Variants in CDKAL1 observed in about 807,000 individuals in gnomAD.
CDKAL1 encodes CDKAL1 threonylcarbamoyladenosine tRNA methylthiotransferase.
In CDKAL1, 32 loss-of-function variants were observed where a neutral mutation model predicts 68.2. The observed-to-expected ratio is 0.47, with a 90% CI of 0.35 to 0.63. The LOEUF (loss-of-function observed/expected upper bound fraction) is 0.63. Among genes scored for constraint, CDKAL1 ranks in the 30% least tolerant of loss-of-function variants. The pLI, the probability that CDKAL1 is intolerant of heterozygous loss-of-function variation, is 0.00. For missense variants in CDKAL1, 606 were observed against 696.7 expected (o/e 0.87, Z 1.47); for synonymous variants, 234 against 244.3 (o/e 0.96, Z 0.39).
intron 4 of CDKAL1, among the ~76,000 whole-genome samples, chr6:20,597,503 C>G (rs1032143295): frequency 6.6e-6 from 1 of 152,068 alleles, no homozygotes; most frequent in Non-Finnish European, 1.5e-5. Context: ...CAACCTCTGC[C>G]TCACAGGTTC....
chr6:21,002,508 G>A (rs960999442), intron 11 of CDKAL1, among the ~76,000 whole-genome samples: 2 of 152,090 alleles, frequency 1.3e-5, no homozygotes, highest in Admixed American at 6.6e-5. Flanking sequence ...GCTGTATTGT[G>A]TATATGCAGC....
intron 7 of CDKAL1, among the ~76,000 whole-genome samples, chr6:20,778,089 T>C (rs1581561050): frequency 6.6e-6 from 1 of 152,116 alleles, no homozygotes; most frequent in East Asian, 1.9e-4. Context: ...AGTTGAATAT[T>C]CATATTAAAA....
intron 4 of CDKAL1, among the ~76,000 whole-genome samples, chr6:20,589,285 A>T (rs1765496959): frequency 6.6e-6 from 1 of 152,220 alleles, no homozygotes; most frequent in African/African-American, 2.4e-5. Flanking sequence ...TCTTGTTTTT[A>T]CTTCAGTGTT....
chr6:20,808,011 T>G (rs2150415909), intron 8 of CDKAL1, among the ~76,000 whole-genome samples: 1 of 152,340 alleles, frequency 6.6e-6, no homozygotes, highest in East Asian at 1.9e-4. Context: ...TATAGATACC[T>G]TCCAAGTGAT....
At chr6:20,911,183 C>T (rs902797533) in intron 9 of CDKAL1, among the ~76,000 whole-genome samples, 1 of 152,308 alleles carries the variant, frequency 6.6e-6, no homozygotes, top group Non-Finnish European at 1.5e-5. Context: ...GTAAGTTAGG[C>T]ACTATTCATT....
rs150181333 is a variant in CDKAL1, at chr6:20,737,291, A to G, written c.372-2228A>G. On this transcript the variant is annotated intron_variant, in intron 5 of 15. Transcript: ENST00000274695. ...TTAGCTATCCATCTCACTGTCACCA[A>G]GGACACCTTACTGAATGCTGTGTTT... Among the ~76,000 whole-genome samples the G allele has an allele frequency of 2.2e-3, 340 of 152,364 alleles. 2 individuals carry two copies. The highest frequency in any genetic ancestry group is 7.9e-3 in the African/African-American group (329 of 41,580).
At position 20,609,063 on chromosome 6, in the gene CDKAL1, C is replaced by T. The variant is rs781605260; in HGVS notation, c.287-40230C>T. Among the ~76,000 whole-genome samples the T allele has an allele frequency of 3.9e-5, 6 of 152,178 alleles. 1 individual carries two copies. Among genetic ancestry groups the T allele is most frequent in the Middle Eastern group, 3.4e-3 (1 of 294 alleles). ...CATGTCTGTGTCTTTATCTGTGTTA[C>T]GAATGCTTTGGACTGCACATATGGG... On this transcript the variant is annotated intron_variant, in intron 4 of 15. Transcript: ENST00000274695.
intron 5 of CDKAL1, among the ~76,000 whole-genome samples, chr6:20,714,400 T>TTTTTTTTTTTTA (rs1771990651): frequency 9.9e-6 from 1 of 101,206 alleles, no homozygotes; most frequent in African/African-American, 4.5e-5. Context: ...TTTTTTTTTT[T>TTTTTTTTTTTTA]TTTTTTGAGA....
chr6:21,013,743 T>C (rs1768146043), intron 11 of CDKAL1, among the ~76,000 whole-genome samples: 1 of 152,230 alleles, frequency 6.6e-6, no homozygotes, highest in African/African-American at 2.4e-5. Context: ...TATGAGTCCT[T>C]GCTGCCCAAA....
In CDKAL1 at chr6:21,129,482, G is replaced by T. The variant is rs184020776; in HGVS notation, c.1299+21019G>T. 2.0e-5 allele frequency among the ~76,000 whole-genome samples: 3 copies of T among 151,954 alleles called. No homozygotes were observed. In the East Asian group the frequency reaches 5.8e-4, roughly 29 times the overall value. On this transcript the variant is annotated intron_variant, in intron 13 of 15. Transcript: ENST00000274695. ...TAGAAAAAAAGCCTATGGTAAGAAGGCTCAAAAAGCTAACTGACATATGTG... is the reference window on the plus strand; with the variant it reads ...TAGAAAAAAAGCCTATGGTAAGAAGTCTCAAAAAGCTAACTGACATATGTG...
intron 8 of CDKAL1, among the ~76,000 whole-genome samples, chr6:20,841,554 T>G (rs763507655): frequency 6.6e-6 from 1 of 152,234 alleles, no homozygotes; most frequent in Non-Finnish European, 1.5e-5. Context: ...GAAAATTCAT[T>G]GTTATTTCAT....
intron 9 of CDKAL1, among the ~76,000 whole-genome samples, chr6:20,952,424 T>C (rs1171176309): frequency 2.6e-5 from 4 of 152,300 alleles, no homozygotes; most frequent in African/African-American, 9.6e-5. Context: ...GACTGTCCCA[T>C]TGTATCCCCA....
chr6:20,555,645 C>T (rs11964554), intron 4 of CDKAL1, among the ~76,000 whole-genome samples: 9,017 of 92,452 alleles, frequency 0.098, 427 homozygotes, highest in Middle Eastern at 0.24. Context: ...TTTTTTGAGA[C>T]GGAGTCCTGC....
chr6:20,973,673 C>T (rs999248570), intron 10 of CDKAL1, among the ~76,000 whole-genome samples: 18 of 151,700 alleles, frequency 1.2e-4, no homozygotes, highest in Non-Finnish European at 1.9e-4. Context: ...GGTGTGATCT[C>T]GGCCCACTGC....
chr6:20,974,177 C>G (rs532835209), intron 10 of CDKAL1, among the ~76,000 whole-genome samples: 101 of 152,262 alleles, frequency 6.6e-4, no homozygotes, highest in African/African-American at 2.2e-3. Context: ...CTTCTTTGTC[C>G]TGCCGTCATG....
At chr6:20,773,327 ATGGAG>A (rs1430539731) in intron 7 of CDKAL1, among the ~76,000 whole-genome samples, 2 of 152,156 alleles carry the variant, frequency 1.3e-5, no homozygotes, top group African/African-American at 2.4e-5. Flanking sequence ...ATGATATTGA[ATGGAG>A]TAGAGACAAA....
chr6:20,737,370 A>G (rs62399261), intron 5 of CDKAL1, among the ~76,000 whole-genome samples: 10,949 of 152,314 alleles, frequency 0.072, 540 homozygotes, highest in African/African-American at 0.14. Flanking sequence ...TTGAGTGCAA[A>G]GCACTTGTCT....
intron 10 of CDKAL1, among the ~76,000 whole-genome samples, chr6:20,960,783 T>C (rs534214513): frequency 6.6e-6 from 1 of 152,386 alleles, no homozygotes; most frequent in East Asian, 1.9e-4. Context: ...ATGAGTCACA[T>C]TTCTGTGAAG....
intron 11 of CDKAL1, among the ~76,000 whole-genome samples, chr6:21,061,921 C>G (rs1001107222): frequency 1.3e-5 from 2 of 152,172 alleles, no homozygotes; most frequent in Non-Finnish European, 2.9e-5. Flanking sequence ...GTATAAGTTG[C>G]TATTCACAGT....
Sources: allele counts gnomAD v4.1 joint callset (sites outside exome capture counted in the v4.1 genomes callset), GRCh38; gene constraint gnomAD v4.1.1; transcripts MANE v1.5; gene names NCBI Gene and HGNC (gene_info 2026-07-23, HGNC 2026-07-21).